DDX4: variants seen among roughly 807,000 people sequenced by gnomAD.
DDX4 encodes probable ATP-dependent RNA helicase DDX4.
Under a neutral mutation model 100.0 loss-of-function variants are expected in DDX4, and 25 were observed. That is an observed-to-expected ratio of 0.25 (90% CI 0.18 to 0.35). The LOEUF is 0.35. DDX4 is among the 10% of genes least tolerant of loss of function. The pLI is 1.00. For synonymous variants in DDX4, 259 were observed against 275.7 expected, an observed-to-expected ratio of 0.94 and a Z score of 0.60; for missense variants, 635 against 882.4, an observed-to-expected ratio of 0.72 and a Z score of 3.55.
chr5:55,750,569 A>G lies in DDX4; in HGVS notation c.127+4348A>G, dbSNP rs138475408. Reference sequence around the variant, plus strand: ...CAATCATTCATTCCCAAATCTTCCAACGTGATCTTGATAGTATAGATTGTT... The same window carrying G: ...CAATCATTCATTCCCAAATCTTCCAGCGTGATCTTGATAGTATAGATTGTT... On this transcript the variant is annotated intron_variant, in intron 3 of 21. Coordinates refer to ENST00000505374, the MANE Select transcript of DDX4 (RefSeq NM_024415.3). 5.9e-5 allele frequency among the ~76,000 whole-genome samples: 9 copies of G among 152,222 alleles called. No individual in the cohort carries two copies. In the East Asian group the frequency reaches 9.7e-4, roughly 16 times the overall value.
chr5:55,773,601 T>C (rs966422096), intron 7 of DDX4, among the ~76,000 whole-genome samples: 1 of 152,080 alleles, frequency 6.6e-6, no homozygotes, highest in Non-Finnish European at 1.5e-5. Context: ...CTACTGAGTA[T>C]GAAGTGGTAT....
At chr5:55,771,665 C>G (rs1741261315) in intron 7 of DDX4, among the ~76,000 whole-genome samples, 1 of 152,104 alleles carries the variant, frequency 6.6e-6, no homozygotes, top group South Asian at 2.1e-4. Flanking sequence ...AGCGTTTAAA[C>G]TAAGATACAC....
At chr5:55,790,138 CTTTTTTTTTT>C (rs35365600) in intron 15 of DDX4, among the ~76,000 whole-genome samples, 1 of 102,028 alleles carries the variant, frequency 9.8e-6, no homozygotes, top group African/African-American at 3.9e-5. Context: ...AAAATATCAC[CTTTTTTTTTT>C]TTTTTTTTTT....
At chr5:55,778,516 A>T (rs1169495701) in intron 7 of DDX4, among the ~76,000 whole-genome samples, 1 of 152,228 alleles carries the variant, frequency 6.6e-6, no homozygotes, top group East Asian at 1.9e-4. Context: ...GTAGACATAA[A>T]TGAAATAGAA....
chr5:55,777,807 T>C (rs1455431394), intron 7 of DDX4, among the ~76,000 whole-genome samples: 1 of 152,168 alleles, frequency 6.6e-6, no homozygotes, highest in Non-Finnish European at 1.5e-5. Flanking sequence ...AGACAAAGTA[T>C]ACTGTAAGGT....
At chr5:55,759,365 G>T (rs1376601630) in intron 3 of DDX4, among the ~76,000 whole-genome samples, 6 of 150,600 alleles carry the variant, frequency 4.0e-5, no homozygotes, top group Non-Finnish European at 7.4e-5. Context: ...TTTGAGCTGT[G>T]GGTTATATAG....
chr5:55,765,234 A>G (rs79023076), intron 6 of DDX4, among the ~76,000 whole-genome samples: 10,353 of 151,482 alleles, frequency 0.068, 550 homozygotes, highest in African/African-American at 0.15. Context: ...CTACTTATAC[A>G]CAGACCTTTC....
At chr5:55,745,940 C>T (rs1759225751) in intron 2 of DDX4, among the ~76,000 whole-genome samples, 1 of 152,048 alleles carries the variant, frequency 6.6e-6, no homozygotes, top group African/African-American at 2.4e-5. Flanking sequence ...AGTTTTCTGA[C>T]CACTGTTCTA....
rs182125193 is a variant in DDX4 at position 55,777,268 on chromosome 5, A to G, written c.395-2696A>G. On this transcript the variant is annotated intron_variant, in intron 7 of 21. Coordinates refer to ENST00000505374, the MANE Select transcript of DDX4 (RefSeq NM_024415.3). Reference sequence around the variant, plus strand: ...GATTGTAGAAATAAAAGACCTATGTATCAGTAATCATAATATAGGTAAGCA... The same window carrying G: ...GATTGTAGAAATAAAAGACCTATGTGTCAGTAATCATAATATAGGTAAGCA... 9.8e-4 allele frequency among the ~76,000 whole-genome samples: 150 copies of G among 152,306 alleles called. 1 individual carries two copies. Among genetic ancestry groups the G allele is most frequent in the African/African-American group, 3.3e-3 (139 of 41,574 alleles).
intron 3 of DDX4, among the ~76,000 whole-genome samples, chr5:55,748,974 A>G (rs1391963311): frequency 6.6e-6 from 1 of 152,228 alleles, no homozygotes; most frequent in East Asian, 1.9e-4. Context: ...GTATTTAGAC[A>G]TGCGTCTTTT....
intron 7 of DDX4, among the ~76,000 whole-genome samples, chr5:55,776,475 A>G (rs2111935830): frequency 1.3e-5 from 2 of 152,372 alleles, no homozygotes; most frequent in African/African-American, 2.4e-5. Flanking sequence ...ACCCTTATGC[A>G]TGTATTGAAA....
At position 55,787,857 on chromosome 5, in the gene DDX4, C is replaced by T. The variant is rs376346361; in HGVS notation, c.1029C>T (p.Leu343=). The T allele has an allele frequency of 5.8e-5, 93 of 1,611,720 alleles. No individual in the cohort carries two copies. The highest frequency in any genetic ancestry group is 7.5e-5 in the Non-Finnish European group (88 of 1,179,364). The change falls in exon 15 of 22, where the codon CTC becomes CTT. Residue 343 remains leucine, a synonymous_variant. Transcript: ENST00000505374. ...AACTTAACTTCTAGGCGGCTTTTCT[C>T]CTACCAATTTTGGCTCATATGATGC... ...QTGSGKTAAF[L]LPILAHMMHD...
chr5:55,780,655 A>G (rs1741854545), intron 8 of DDX4, among the ~76,000 whole-genome samples: 2 of 152,326 alleles, frequency 1.3e-5, no homozygotes, highest in Admixed American at 1.3e-4. Context: ...TTGATTTGGC[A>G]ACAGTGGGAG....
intron 9 of DDX4, 24 bp downstream of exon 9, chr5:55,781,170 A>G: frequency 6.5e-7 from 1 of 1,547,620 alleles, no homozygotes; most frequent in African/African-American, 1.4e-5. Context: ...CTTATTACTG[A>G]ATATTAGTTA....
chr5:55,752,621 G>A (rs1211267017), intron 3 of DDX4, among the ~76,000 whole-genome samples: 5 of 147,722 alleles, frequency 3.4e-5, no homozygotes, highest in African/African-American at 1.3e-4. Context: ...CTTTGCTGTC[G>A]TGAGTAATGC....
At chr5:55,785,198 G>GT in intron 10 of DDX4, 99 bp from the exon 11 acceptor site, 1 of 793,256 alleles carries the variant, frequency 1.3e-6, no homozygotes, top group Non-Finnish European at 2.1e-6. Flanking sequence ...GGAATTTAAA[G>GT]TTTTTTGGAA....
At chr5:55,757,027 A>G (rs1759981961) in intron 3 of DDX4, among the ~76,000 whole-genome samples, 1 of 152,142 alleles carries the variant, frequency 6.6e-6, no homozygotes, top group African/African-American at 2.4e-5. Flanking sequence ...AAATAATTGT[A>G]TATTTTCCTT....
intron 21 of DDX4, among the ~76,000 whole-genome samples, chr5:55,816,073 A>G (rs1187523370): frequency 1.3e-5 from 2 of 151,600 alleles, no homozygotes; most frequent in African/African-American, 4.8e-5. Context: ...GGCGTGAGCC[A>G]CTGCGCCCAG....
chr5:55,792,874 C>T (rs2112064008), intron 17 of DDX4, 67 bp downstream of exon 17: 1 of 924,630 alleles, frequency 1.1e-6, no homozygotes, highest in African/African-American at 1.7e-5. Flanking sequence ...AGTGGAAGCA[C>T]TGTGAATATC....
Sources: allele counts gnomAD v4.1 joint callset (sites outside exome capture counted in the v4.1 genomes callset), GRCh38; gene constraint gnomAD v4.1.1; transcripts MANE v1.5; gene names NCBI Gene and HGNC (gene_info 2026-07-23, HGNC 2026-07-21).